The following RBMS3 variants were observed in gnomAD, a reference collection of about 807,000 sequenced individuals.
RBMS3 encodes RNA binding motif single stranded interacting protein 3.
A neutral mutation model predicts 66.8 loss-of-function variants in RBMS3; 27 were observed. That is an observed-to-expected ratio of 0.40 (90% CI 0.30 to 0.56). RBMS3 has a LOEUF of 0.56. RBMS3 is among the 20% of genes least tolerant of loss of function. The pLI, the probability that RBMS3 is intolerant of heterozygous loss-of-function variation, is 0.40. For missense variants in RBMS3, 513 were observed against 549.5 expected, an observed-to-expected ratio of 0.93 and a Z score of 0.66; for synonymous variants, 188 against 183.0, an observed-to-expected ratio of 1.03 and a Z score of -0.22.
chr3:29,346,624 G>A (rs1356792373), intron 1 of RBMS3, among the ~76,000 whole-genome samples: 16 of 151,804 alleles, frequency 1.1e-4, no homozygotes, highest in Non-Finnish European at 2.2e-4. Context: ...GACTGGTCTC[G>A]AACTCCTGAC....
chr3:29,598,038 C>T (rs2034907), intron 4 of RBMS3, among the ~76,000 whole-genome samples: 22,227 of 151,898 alleles, frequency 0.15, 1,879 homozygotes, highest in East Asian at 0.32. Flanking sequence ...AAATCATCAC[C>T]GTTAAAAAAT....
intron 4 of RBMS3, among the ~76,000 whole-genome samples, chr3:29,732,021 A>C (rs2054159633): frequency 6.7e-6 from 1 of 149,344 alleles, no homozygotes; most frequent in African/African-American, 2.5e-5. Flanking sequence ...CTCTCCCTCC[A>C]TCTGTCCCTC....
intron 1 of RBMS3, among the ~76,000 whole-genome samples, chr3:29,370,399 A>G (rs2038139108): frequency 6.6e-6 from 1 of 152,156 alleles, no homozygotes; most frequent in Non-Finnish European, 1.5e-5. Context: ...TCTGCCTCTT[A>G]GTAAATTTAT....
chr3:29,313,580 C>T (rs1009867236), intron 1 of RBMS3, among the ~76,000 whole-genome samples: 1 of 151,610 alleles, frequency 6.6e-6, no homozygotes, highest in Admixed American at 6.6e-5. Context: ...GGTGTGGCCA[C>T]GGCTGCCCCT....
At chr3:29,955,493 T>C (rs970648107) in intron 12 of RBMS3, among the ~76,000 whole-genome samples, 1 of 152,022 alleles carries the variant, frequency 6.6e-6, no homozygotes, top group Non-Finnish European at 1.5e-5. Flanking sequence ...AGTATATCCA[T>C]TTTCCTTGGA....
At chr3:29,930,421 T>A (rs1379198606) in intron 10 of RBMS3, among the ~76,000 whole-genome samples, 1 of 151,994 alleles carries the variant, frequency 6.6e-6, no homozygotes, top group Non-Finnish European at 1.5e-5. Context: ...CTACTTTGTG[T>A]CATTTTTCTA....
intron 4 of RBMS3, among the ~76,000 whole-genome samples, chr3:29,690,309 A>T (rs1201859246): frequency 4.0e-5 from 6 of 151,570 alleles, no homozygotes; most frequent in African/African-American, 1.5e-4. Flanking sequence ...AATTAGCTGG[A>T]CGTGGTGGCA....
chr3:29,794,478 C>A (rs539287678), intron 6 of RBMS3, among the ~76,000 whole-genome samples: 1 of 151,812 alleles, frequency 6.6e-6, no homozygotes, highest in African/African-American at 2.4e-5. Flanking sequence ...CCCAGCTACT[C>A]GGGAGGCTGA....
chr3:29,955,378 G>C (rs1190243010), intron 12 of RBMS3, among the ~76,000 whole-genome samples: 1 of 151,934 alleles, frequency 6.6e-6, no homozygotes, highest in Non-Finnish European at 1.5e-5. Flanking sequence ...TACATTCCAA[G>C]TACTTTTTAA....
chr3:29,943,398 C>G (rs900665011), intron 11 of RBMS3, among the ~76,000 whole-genome samples: 1 of 151,804 alleles, frequency 6.6e-6, no homozygotes, highest in Non-Finnish European at 1.5e-5. Context: ...ATATTCCAAT[C>G]TCCTTTTTAA....
intron 6 of RBMS3, 115 bp downstream of exon 6, chr3:29,763,104 C>T (rs2055768176): frequency 4.7e-6 from 3 of 644,234 alleles, no homozygotes; most frequent in Non-Finnish European, 7.9e-6. Flanking sequence ...GTTTGCTTTT[C>T]TTAATGTGTA....
At chr3:29,362,991 A>G (rs2037689936) in intron 1 of RBMS3, among the ~76,000 whole-genome samples, 2 of 152,166 alleles carry the variant, frequency 1.3e-5, no homozygotes, top group Non-Finnish European at 2.9e-5. Flanking sequence ...TTTTGGGTTG[A>G]GTAGAAATTT....
At chr3:29,455,185 A>G (rs974251247) in intron 2 of RBMS3, among the ~76,000 whole-genome samples, 2 of 152,232 alleles carry the variant, frequency 1.3e-5, no homozygotes, top group East Asian at 1.9e-4. Flanking sequence ...CACTTTGCCT[A>G]TATCTCGATC....
At chr3:29,984,511 TCAGCCTTTTTG>T (rs918841932) in intron 12 of RBMS3, among the ~76,000 whole-genome samples, 3 of 152,092 alleles carry the variant, frequency 2.0e-5, no homozygotes, top group African/African-American at 7.2e-5. Flanking sequence ...TTTGGAATTT[TCAGCCTTTTTG>T]CACTGGTTTT....
rs2060128682 is a variant in RBMS3, at chr3:29,896,617, G to A, written c.792-762G>A. Reference sequence around the variant, plus strand: ...CATTCAGTAACTCATCGACTCTACAGTATAGTCTGAGCAGAAATGGACATT... The same window carrying A: ...CATTCAGTAACTCATCGACTCTACAATATAGTCTGAGCAGAAATGGACATT... On this transcript the variant is annotated intron_variant, in intron 8 of 14. Coordinates refer to ENST00000383767, the MANE Select transcript of RBMS3 (RefSeq NM_001003793.3). Among the ~76,000 whole-genome samples the A allele has an allele frequency of 3.3e-5, 5 of 151,636 alleles. No homozygotes were observed. In the South Asian group the frequency reaches 8.3e-4, roughly 25 times the overall value.
chr3:29,339,137 A>G (rs1282556626), intron 1 of RBMS3, among the ~76,000 whole-genome samples: 1 of 152,158 alleles, frequency 6.6e-6, no homozygotes, highest in Non-Finnish European at 1.5e-5. Context: ...TTAGTAGAGG[A>G]AGCCTGACTT....
At chr3:29,930,870 T>C (rs2061103002) in intron 10 of RBMS3, among the ~76,000 whole-genome samples, 1 of 152,172 alleles carries the variant, frequency 6.6e-6, no homozygotes, top group African/African-American at 2.4e-5. Flanking sequence ...GTTTTAAAAC[T>C]GAACTGCCCC....
intron 2 of RBMS3, among the ~76,000 whole-genome samples, chr3:29,459,773 T>C (rs1201819824): frequency 1.2e-4 from 19 of 152,230 alleles, no homozygotes; most frequent in Admixed American, 1.2e-3. Context: ...GATGCACTTC[T>C]GTAATATAGG....
At chr3:29,334,004 C>T (rs1473715611) in intron 1 of RBMS3, among the ~76,000 whole-genome samples, 1 of 152,114 alleles carries the variant, frequency 6.6e-6, no homozygotes, top group Non-Finnish European at 1.5e-5. Context: ...ATAGGCAAAG[C>T]TGTACAATTC....
Sources: gnomAD v4.1 joint callset for allele counts (sites outside exome capture counted in the v4.1 genomes callset) on GRCh38, gnomAD v4.1.1 for gene constraint, MANE v1.5 for transcripts, NCBI Gene and HGNC (gene_info 2026-07-23, HGNC 2026-07-21) for gene names.